Variants in PCDH11X observed in about 807,000 individuals in gnomAD.
PCDH11X encodes protocadherin 11 X-linked, also known as protocadherin-11 X-linked.
In PCDH11X, 18 loss-of-function variants were observed where a neutral mutation model predicts 53.3. That is an observed-to-expected ratio of 0.34 (90% confidence interval 0.23 to 0.50). The LOEUF is 0.50. Among genes scored for constraint, PCDH11X ranks in the 20% least tolerant of loss-of-function variants. The pLI is 0.98. For missense variants in PCDH11X, 570 were observed against 1,032.4 expected (o/e 0.55, Z 6.14); for synonymous variants, 279 against 393.3 (o/e 0.71, Z 3.44).
intron 1 of PCDH11X, among the ~76,000 whole-genome samples, chrX:91,782,667 G>C (rs1421056993): frequency 2.7e-4 from 29 of 108,527 alleles, no homozygotes; most frequent in African/African-American, 9.4e-4. Context: ...CTGCAAATTG[G>C]AAGTTGCGGA....
chrX:91,785,961 C>T (rs1016513597), intron 1 of PCDH11X, among the ~76,000 whole-genome samples: 1 of 111,769 alleles, frequency 8.9e-6, no homozygotes, highest in African/African-American at 3.3e-5. Context: ...TAGGGTGAAA[C>T]TGTCTTTTGA....
At chrX:92,500,075 A>G (rs189639986) in intron 10 of PCDH11X, among the ~76,000 whole-genome samples, 2 of 111,291 alleles carry the variant, frequency 1.8e-5, no homozygotes, top group East Asian at 5.7e-4. Context: ...GGCTTATACA[A>G]CTTTTCTTAA....
intron 6 of PCDH11X, among the ~76,000 whole-genome samples, chrX:92,141,457 T>G (rs2148216596): frequency 8.9e-6 from 1 of 112,074 alleles, no homozygotes; most frequent in Admixed American, 9.5e-5. Flanking sequence ...CATCTTAATT[T>G]AAGCCAGGCA....
At chrX:92,272,936 C>T in intron 8 of PCDH11X, among the ~76,000 whole-genome samples, 2 of 112,549 alleles carry the variant, frequency 1.8e-5, no homozygotes, top group East Asian at 5.6e-4. Context: ...AACTAAATTC[C>T]ACTTACATAT....
rs1928258108 is a variant in PCDH11X, at chrX:92,618,646, A to C, written c.3750A>C (p.Ala1250=). Residue 1250 remains alanine (A), a synonymous_variant, in exon 11 of 11, where the codon GCA becomes GCC. Coordinates refer to ENST00000682573, the MANE Select transcript of PCDH11X (RefSeq NM_032968.5). ...ASALCYSPPL[A]QAAAISHSSP... ...CCCTCTGCTACAGCCCTCCTTTAGC[A>C]CAGGCTGCTGCAATCAGCCACAGCT... The C allele has an allele frequency of 8.3e-7, 1 of 1,211,940 alleles. No homozygotes were observed. The highest frequency in any genetic ancestry group is 1.7e-5 in the African/African-American group (1 of 57,858).
chrX:92,424,093 C>T (rs2072042976), intron 9 of PCDH11X, among the ~76,000 whole-genome samples: 1 of 95,655 alleles, frequency 1.0e-5, no homozygotes, highest in African/African-American at 3.4e-5. Flanking sequence ...GTACCTTTCA[C>T]AATATTGATT....
intron 8 of PCDH11X, among the ~76,000 whole-genome samples, chrX:92,277,665 G>T (rs1198892091): frequency 1.8e-5 from 2 of 108,558 alleles, no homozygotes; most frequent in African/African-American, 6.7e-5. Flanking sequence ...AGAAATAAGG[G>T]GTCAGGGCAT....
At chrX:92,191,391 T>C (rs2066190331) in intron 6 of PCDH11X, among the ~76,000 whole-genome samples, 1 of 112,242 alleles carries the variant, frequency 8.9e-6, no homozygotes, top group South Asian at 3.6e-4. Context: ...TTGAAGTAGA[T>C]TGTAGACCAA....
rs560347545 is a variant in PCDH11X, at chrX:91,854,681, G to T, written c.540+18637G>T. Among the ~76,000 whole-genome samples, 135 of 112,020 alleles carry T rather than the reference G, an allele frequency of 1.2e-3. 2 individuals are homozygous for T. The South Asian group carries it at 0.05, about 41-fold the overall frequency. Reference sequence around the variant, plus strand: ...AACATTTGTTACCACCCGTCTTTTAGATAAAAGCCAGGGGGTGAGATAATA... The same window carrying T: ...AACATTTGTTACCACCCGTCTTTTATATAAAAGCCAGGGGGTGAGATAATA... On this transcript the variant is annotated intron_variant, in intron 5 of 10. Transcript: ENST00000682573.
At position 91,811,516 on chromosome X, in the gene PCDH11X, A is replaced by G. The variant is rs529755725; in HGVS notation, c.-45+221A>G. ...ATGTAGGGAGAGATGTAAAACAACA[A>G]CAACAAAAATCCCACAAATTATAGT... On this transcript the variant is annotated intron_variant, in intron 4 of 10. Transcript: ENST00000682573. Among the ~76,000 whole-genome samples, 102 of 110,320 alleles carry G rather than the reference A, an allele frequency of 9.2e-4. No homozygotes were observed. The South Asian group carries it at 0.04, about 44-fold the overall frequency.
At chrX:92,255,234 G>A (rs1434577019) in intron 7 of PCDH11X, among the ~76,000 whole-genome samples, 15 of 106,945 alleles carry the variant, frequency 1.4e-4, no homozygotes, top group Non-Finnish European at 1.7e-4. Context: ...TGATCGCATC[G>A]GCTCCTGAGG....
At chrX:92,493,158 C>A (rs776314580) in intron 10 of PCDH11X, among the ~76,000 whole-genome samples, 1 of 110,855 alleles carries the variant, frequency 9.0e-6, no homozygotes, top group South Asian at 3.8e-4. Context: ...ACTAAAAGGT[C>A]ATAAATACAG....
intron 6 of PCDH11X, among the ~76,000 whole-genome samples, chrX:91,972,192 T>C (rs774497411): frequency 1.5e-3 from 159 of 103,548 alleles, no homozygotes; most frequent in African/African-American, 5.3e-3. Context: ...ATTTCTCTGA[T>C]GGCCAGTGAA....
chrX:91,835,824 T>G lies in PCDH11X; in HGVS notation c.320T>G (p.Phe107Cys). 8.3e-7 allele frequency: 1 copy of G among 1,210,573 alleles called. No homozygotes were observed. The change falls in exon 5 of 11, where the codon TTT becomes TGT. Residue 107 changes from phenylalanine to cysteine, a missense_variant. Physicochemically the swap from Phe to Cys is radical, Grantham distance 205 (BLOSUM62 -2). Transcript: ENST00000682573. ...GGTATCCCAAGGGATGAGCATTGCTTTTATGAAGTGGAGGTTGCCATTTTG... is the reference window on the plus strand; with the variant it reads ...GGTATCCCAAGGGATGAGCATTGCTGTTATGAAGTGGAGGTTGCCATTTTG... Reference protein sequence around the residue: ...CAGIPRDEHCFYEVEVAILPD... With the variant: ...CAGIPRDEHCCYEVEVAILPD...
rs1161029274 is a variant in PCDH11X, at chrX:92,474,882, T to C, written c.3367+6560T>C. ...TATTTCTACTTATGATAAGAATAGTTTGGCCGGGCGCGGTGGCTCACGCCT... is the reference window on the plus strand; with the variant it reads ...TATTTCTACTTATGATAAGAATAGTCTGGCCGGGCGCGGTGGCTCACGCCT... On this transcript the variant is annotated intron_variant, in intron 10 of 10. Transcript: ENST00000682573. 2.7e-5 allele frequency among the ~76,000 whole-genome samples: 3 copies of C among 109,970 alleles called. No individual in the cohort carries two copies. In the East Asian group the frequency reaches 8.6e-4, roughly 31 times the overall value.
In PCDH11X at chrX:92,309,435, G is replaced by A. The variant is rs759549363; in HGVS notation, c.3144+46292G>A. On this transcript the variant is annotated intron_variant, in intron 8 of 10. Coordinates refer to ENST00000682573, the MANE Select transcript of PCDH11X (RefSeq NM_032968.5). ...TGATTCCACGTTGTCCACCTAAAGAGGTGCCTAGATTAGTCATATTCCTAG... is the reference window on the plus strand; with the variant it reads ...TGATTCCACGTTGTCCACCTAAAGAAGTGCCTAGATTAGTCATATTCCTAG... Among the ~76,000 whole-genome samples, 45 of 111,520 alleles carry A rather than the reference G, an allele frequency of 4.0e-4. No homozygotes were observed. The South Asian group carries it at 0.017, about 41-fold the overall frequency.
At position 91,878,651 on chromosome X, in the gene PCDH11X, C is replaced by T. The variant is rs756740860; in HGVS notation, c.2411C>T (p.Ser804Phe). Residue 804 changes from serine to phenylalanine, a missense_variant, in exon 6 of 11, where the codon TCC (serine) becomes TTC (phenylalanine). By Grantham distance (155) the Ser-to-Phe change is radical (BLOSUM62 -2). This residue lies in a region of PCDH11X where 226 missense variants were observed against 457.5 expected (regional missense o/e 0.49). Coordinates refer to ENST00000682573, the MANE Select transcript of PCDH11X (RefSeq NM_032968.5). Reference sequence around the variant, plus strand: ...CCAAATACTGAGATAGCTGATGTATCCTCACCAACTAGTGACTATGTCAAG... The same window carrying T: ...CCAAATACTGAGATAGCTGATGTATTCTCACCAACTAGTGACTATGTCAAG... ...VTPNTEIADVSSPTSDYVKIL... is the reference protein window; with the variant it reads ...VTPNTEIADVFSPTSDYVKIL... The T allele has an allele frequency of 2.5e-5, 30 of 1,210,846 alleles. No homozygotes were observed. The highest frequency in any genetic ancestry group is 3.2e-5 in the Non-Finnish European group (29 of 895,227).
intron 8 of PCDH11X, among the ~76,000 whole-genome samples, chrX:92,330,296 A>G (rs1161400674): frequency 9.0e-6 from 1 of 111,511 alleles, no homozygotes; most frequent in Non-Finnish European, 1.9e-5. Flanking sequence ...AAGAACTGTG[A>G]ACAGTCATTT....
intron 10 of PCDH11X, among the ~76,000 whole-genome samples, chrX:92,517,012 T>A (rs1361004008): frequency 8.9e-6 from 1 of 112,226 alleles, no homozygotes; most frequent in Non-Finnish European, 1.9e-5. Flanking sequence ...TGAAAGATTG[T>A]GAGAACGTAA....
Sources: allele counts gnomAD v4.1 joint callset (sites outside exome capture counted in the v4.1 genomes callset), GRCh38; gene constraint gnomAD v4.1.1; regional missense constraint gnomAD v4.1.1; transcripts MANE v1.5; gene names NCBI Gene and HGNC (gene_info 2026-07-23, HGNC 2026-07-21).